ADGRV1: variants seen among roughly 807,000 people sequenced by gnomAD.
ADGRV1 encodes G-protein coupled receptor 98.
A neutral mutation model predicts 596.2 loss-of-function variants in ADGRV1; 359 were observed. The observed-to-expected ratio is 0.60, with a 90% CI of 0.55 to 0.66. The LOEUF is 0.66. ADGRV1 is among the 30% of genes least tolerant of loss of function. The probability of loss-of-function intolerance (pLI) is 0.00; values close to 1 mark genes in which losing one functional copy is unlikely to be tolerated. For missense variants in ADGRV1, 7,274 were observed against 7,575.6 expected, an observed-to-expected ratio of 0.96 and a Z score of 1.48; for synonymous variants, 2,681 against 2,679.2, an observed-to-expected ratio of 1.00 and a Z score of -0.02.
Position 90,708,803 on chromosome 5 carries a change from G to A in ADGRV1, c.8731-13G>A, listed in dbSNP as rs1486797192. ...GTATAACTAAAGGAATTTAATGAGT[G>A]TAATTTTTTCAGGATGATGTACCAG... On this transcript the variant is annotated splice_polypyrimidine_tract_variant and intron_variant, in intron 38 of 89. Coordinates refer to ENST00000405460, the MANE Select transcript of ADGRV1 (RefSeq NM_032119.4). The A allele has an allele frequency of 3.2e-6, 5 of 1,559,910 alleles. No individual in the cohort carries two copies. Among genetic ancestry groups the A allele is most frequent in the Non-Finnish European group, 4.4e-6 (5 of 1,132,808 alleles).
chr5:90,726,624 A>T (rs1351592732), intron 48 of ADGRV1, among the ~76,000 whole-genome samples: 2 of 149,674 alleles, frequency 1.3e-5, no homozygotes, highest in Non-Finnish European at 3.0e-5. Flanking sequence ...CACTACACAA[A>T]TTTTCCTTTT....
chr5:90,773,192 A>G (rs1757877834), intron 59 of ADGRV1, among the ~76,000 whole-genome samples: 1 of 151,706 alleles, frequency 6.6e-6, no homozygotes, highest in South Asian at 2.1e-4. Flanking sequence ...AAATACATTG[A>G]GTCTACATAA....
At chr5:90,684,253 A>C (rs1745321974) in intron 28 of ADGRV1, 58 bp downstream of exon 28, 7 of 1,416,128 alleles carry the variant, frequency 4.9e-6, no homozygotes, top group Admixed American at 5.5e-5. Flanking sequence ...TGAAACAATC[A>C]GTTTTAAATT....
chr5:90,577,494 G>A (rs1412560804), intron 1 of ADGRV1, among the ~76,000 whole-genome samples: 1 of 152,198 alleles, frequency 6.6e-6, no homozygotes, highest in Non-Finnish European at 1.5e-5. Context: ...TTTGGTACCA[G>A]TACCATGCTG....
At chr5:91,016,171 A>T (rs1783154656) in intron 85 of ADGRV1, among the ~76,000 whole-genome samples, 1 of 151,960 alleles carries the variant, frequency 6.6e-6, no homozygotes, top group Non-Finnish European at 1.5e-5. Context: ...TATATTTTTT[A>T]AATTATTAAT....
chr5:90,921,898 G>A (rs750901617), intron 83 of ADGRV1, among the ~76,000 whole-genome samples: 36 of 151,280 alleles, frequency 2.4e-4, no homozygotes, highest in Non-Finnish European at 4.9e-4. Context: ...GACTTCCGAG[G>A]TCATCCTTCC....
At chr5:90,747,567 T>C (rs1052345141) in intron 52 of ADGRV1, among the ~76,000 whole-genome samples, 23 of 152,034 alleles carry the variant, frequency 1.5e-4, no homozygotes, top group Non-Finnish European at 2.8e-4. Context: ...TTCCCCAGCA[T>C]TGAGTTGTCA....
chr5:91,125,504 A>ATTTG (rs1793673247), intron 87 of ADGRV1, among the ~76,000 whole-genome samples: 2 of 152,190 alleles, frequency 1.3e-5, no homozygotes, highest in Admixed American at 1.3e-4. Context: ...AATCCAGGCG[A>ATTTG]CACTAGTCTT....
intron 59 of ADGRV1, among the ~76,000 whole-genome samples, chr5:90,773,495 C>T (rs151033820): frequency 6.6e-6 from 1 of 151,848 alleles, no homozygotes; most frequent in African/African-American, 2.4e-5. Flanking sequence ...AAACAATGTA[C>T]TATGAGAAAG....
intron 1 of ADGRV1, among the ~76,000 whole-genome samples, chr5:90,562,287 C>T (rs970205051): frequency 1.7e-4 from 26 of 152,252 alleles, no homozygotes; most frequent in African/African-American, 6.0e-4. Flanking sequence ...AAGTTGATTT[C>T]CTCACATCGT....
At chr5:91,036,479 G>A (rs180962021) in intron 85 of ADGRV1, among the ~76,000 whole-genome samples, 111 of 151,356 alleles carry the variant, frequency 7.3e-4, no homozygotes, top group African/African-American at 2.5e-3. Flanking sequence ...GGAGAATGGC[G>A]TGAACCCGGG....
rs575602255 is a variant in ADGRV1 at position 90,619,137 on chromosome 5, A to G, written c.409A>G (p.Ile137Val). The G allele has an allele frequency of 1.3e-4, 197 of 1,506,942 alleles. No homozygotes were observed. The South Asian group carries it at 2.7e-3, about 21-fold the overall frequency. 93.3% of individuals were successfully genotyped at this position (1,506,942 alleles called of 1,614,324 possible). A position where few individuals can be genotyped will look rare whatever the true frequency, so the allele number is the denominator to read the frequency against. The change falls in exon 4 of 90, where the codon ATA becomes GTA. Residue 137 changes from isoleucine (I) to valine (V), a missense_variant. Ile to Val is a conservative substitution (Grantham distance 29). Coordinates refer to ENST00000405460, the MANE Select transcript of ADGRV1 (RefSeq NM_032119.4). ...LGWPRTVTVT[I>V]LSNDNAFGII... ...ATGGCCAAGGACTGTTACTGTGACA[A>G]TATTATCAAATGACAATGCATTTGG...
chr5:91,088,364 T>A (rs1416999902), intron 86 of ADGRV1, among the ~76,000 whole-genome samples: 1 of 152,056 alleles, frequency 6.6e-6, no homozygotes, highest in Non-Finnish European at 1.5e-5. Context: ...TTTGCTACCA[T>A]GAAAAAAAAT....
rs5869513 is a variant in ADGRV1, at chr5:90,662,187, C to CTTTTTT, written c.4752+3924_4752+3929dup. Among the ~76,000 whole-genome samples the CTTTTTT allele has an allele frequency of 4.6e-5, 6 of 130,868 alleles. 1 individual carries two copies. The highest frequency in any genetic ancestry group is 7.9e-5 in the Admixed American group (1 of 12,684). The allele number at this position is 130,868 out of a possible 152,430, so 85.9% of individuals were successfully genotyped here. A position where few individuals can be genotyped will look rare whatever the true frequency, so the allele number is the denominator to read the frequency against. On this transcript the variant is annotated intron_variant, in intron 21 of 89. Coordinates refer to ENST00000405460, the MANE Select transcript of ADGRV1 (RefSeq NM_032119.4). ...TGTTTAATCATTTTTGGTTAAACAA[C>CTTTTTT]TTTTTTTTTTTTTTTTTTTTGAGAC...
In ADGRV1 at chr5:90,693,137, G is replaced by GTTTTTTTTTTCTT. The variant is rs59588885; in HGVS notation, c.7133+357_7133+369dup. On this transcript the variant is annotated intron_variant, in intron 32 of 89. Transcript: ENST00000405460. ...TATGAAGGAGCTGATTTCCAGGTCT[G>GTTTTTTTTTTCTT]TTTTTTTTTTCTTTTTTTGTGAGGC... Among the ~76,000 whole-genome samples, 26 of 131,800 alleles carry GTTTTTTTTTTCTT rather than the reference G, an allele frequency of 2.0e-4. 1 individual carries two copies. Among genetic ancestry groups the GTTTTTTTTTTCTT allele is most frequent in the Non-Finnish European group, 2.1e-4 (13 of 61,760 alleles). 86.5% of individuals were successfully genotyped at this position (131,800 alleles called of 152,430 possible). A position where few individuals can be genotyped will look rare whatever the true frequency, so the allele number is the denominator to read the frequency against.
intron 61 of ADGRV1, among the ~76,000 whole-genome samples, chr5:90,777,498 G>A (rs927990014): frequency 7.9e-5 from 12 of 152,118 alleles, no homozygotes; most frequent in Admixed American, 2.0e-4. Context: ...TTATCCTCAT[G>A]GTAGTTATCC....
At chr5:90,958,283 C>CAAAAAAAAAAAAAAAAAAA (rs34676985) in intron 83 of ADGRV1, among the ~76,000 whole-genome samples, 3 of 72,826 alleles carry the variant, frequency 4.1e-5, no homozygotes, top group Non-Finnish European at 8.1e-5. Context: ...GACCTTGTCT[C>CAAAAAAAAAAAAAAAAAAA]AAAAAAAAAA....
chr5:90,758,961 A>T (rs1756141653), intron 57 of ADGRV1, among the ~76,000 whole-genome samples: 1 of 152,180 alleles, frequency 6.6e-6, no homozygotes, highest in Non-Finnish European at 1.5e-5. Flanking sequence ...GGTAATTTTT[A>T]TGTAAGTTTC....
At chr5:91,033,731 C>T (rs1462313062) in intron 85 of ADGRV1, among the ~76,000 whole-genome samples, 2 of 152,278 alleles carry the variant, frequency 1.3e-5, no homozygotes, top group East Asian at 1.9e-4. Flanking sequence ...ATTTTTGGCA[C>T]ATGAGGATTT....
Sources: gnomAD v4.1 joint callset for allele counts (sites outside exome capture counted in the v4.1 genomes callset) on GRCh38, gnomAD v4.1.1 for gene constraint, MANE v1.5 for transcripts, NCBI Gene and HGNC (gene_info 2026-07-23, HGNC 2026-07-21) for gene names.